The following TMEM132C variants were observed in gnomAD, a reference collection of about 807,000 sequenced individuals.
TMEM132C encodes the protein protein phosphatase 1, regulatory subunit 152.
A neutral mutation model predicts 61.4 loss-of-function variants in TMEM132C; 29 were observed. The observed-to-expected ratio is 0.47, with a 90% CI of 0.35 to 0.64. TMEM132C has a LOEUF of 0.64. TMEM132C is among the 30% of genes least tolerant of loss of function. TMEM132C has a pLI of 0.00. For synonymous variants in TMEM132C, 656 were observed against 633.1 expected, an observed-to-expected ratio of 1.04 and a Z score of -0.54; for missense variants, 1,408 against 1,476.9, an observed-to-expected ratio of 0.95 and a Z score of 0.76.
At chr12:128,274,535 A>G (rs1870621838) in intron 1 of TMEM132C, among the ~76,000 whole-genome samples, 1 of 152,222 alleles carries the variant, frequency 6.6e-6, no homozygotes, top group African/African-American at 2.4e-5. Context: ...TTACTAAGTT[A>G]TAAGAGATTG....
rs751122317 is a variant in TMEM132C, at chr12:128,616,236, G to A, written c.1206G>A (p.Thr402=). 14 of 1,551,638 alleles carry A rather than the reference G, an allele frequency of 9.0e-6. No individual in the cohort carries two copies. Among genetic ancestry groups the A allele is most frequent in the Middle Eastern group, 1.7e-4 (1 of 6,014 alleles). The change falls in exon 4 of 9, where the codon ACG becomes ACA. Residue 402 remains threonine (T), a synonymous_variant. Coordinates refer to ENST00000435159, the MANE Select transcript of TMEM132C (RefSeq NM_001136103.3). ...GCCTTTCAGGGACTCAGCCCATCAC[G>A]TGGCAGGTGGAGTACCCACGGAAGG... ...FSSLSGTQPI[T]WQVEYPRKGT...
chr12:128,378,363 G>T (rs545793258), intron 1 of TMEM132C, among the ~76,000 whole-genome samples: 1 of 152,044 alleles, frequency 6.6e-6, no homozygotes, highest in South Asian at 2.1e-4. Flanking sequence ...TGATCCGCCC[G>T]CCTCGGCCTC....
At chr12:128,561,438 T>C (rs1309737795) in intron 3 of TMEM132C, among the ~76,000 whole-genome samples, 1 of 152,232 alleles carries the variant, frequency 6.6e-6, no homozygotes, top group Non-Finnish European at 1.5e-5. Context: ...TCTGCATGCC[T>C]GTTAAACCCT....
chr12:128,323,359 G>A (rs1872397760), intron 1 of TMEM132C, among the ~76,000 whole-genome samples: 1 of 152,208 alleles, frequency 6.6e-6, no homozygotes, highest in African/African-American at 2.4e-5. Flanking sequence ...AGAATGGAGA[G>A]CCCACTGGCC....
intron 4 of TMEM132C, among the ~76,000 whole-genome samples, chr12:128,637,590 G>A (rs1264333417): frequency 1.3e-5 from 2 of 152,274 alleles, no homozygotes; most frequent in African/African-American, 4.8e-5. Flanking sequence ...TATTTTTAGA[G>A]ATGGGGTCTT....
chr12:128,475,241 G>A (rs185116447), intron 2 of TMEM132C, among the ~76,000 whole-genome samples: 4,207 of 152,034 alleles, frequency 0.028, 188 homozygotes, highest in African/African-American at 0.094. Flanking sequence ...TAGGACCTGC[G>A]ATTTCTTTTT....
At chr12:128,315,925 G>A (rs12308549) in intron 1 of TMEM132C, among the ~76,000 whole-genome samples, 31,249 of 151,566 alleles carry the variant, frequency 0.21, 3,979 homozygotes, top group Non-Finnish European at 0.28. Context: ...AGATTATCTC[G>A]AGGGCCCTAA....
In TMEM132C at chr12:128,669,530, G is replaced by A; in HGVS notation, c.1419G>A (p.Glu473=). Residue 473 remains glutamate, a synonymous_variant, in exon 5 of 9, where the codon GAG becomes GAA. Coordinates refer to ENST00000435159, the MANE Select transcript of TMEM132C (RefSeq NM_001136103.3). The stretch of plus-strand genomic sequence containing the variant: ...TGATGGACATCTCAGAGTCGGTGGA[G>A]TGCAAGTCCACAGACGAGGACGTTA... ...SAVMDISESV[E]CKSTDEDVIK... is the part of the protein sequence containing the mutation. 6.4e-7 allele frequency: 1 copy of A among 1,551,690 alleles called. No individual in the cohort carries two copies. The highest frequency in any genetic ancestry group is 1.2e-5 in the South Asian group (1 of 84,032).
chr12:128,313,260 A>G (rs913582190), intron 1 of TMEM132C, among the ~76,000 whole-genome samples: 2 of 152,192 alleles, frequency 1.3e-5, no homozygotes, highest in African/African-American at 4.8e-5. Flanking sequence ...TCCTGCACAT[A>G]TGATAGGACA....
At chr12:128,580,059 A>G (rs889653505) in intron 3 of TMEM132C, among the ~76,000 whole-genome samples, 8 of 152,168 alleles carry the variant, frequency 5.3e-5, no homozygotes, top group Non-Finnish European at 8.8e-5. Context: ...CAAACCCACC[A>G]TGTGTACTGC....
intron 1 of TMEM132C, among the ~76,000 whole-genome samples, chr12:128,295,499 G>A (rs10847597): frequency 0.26 from 39,101 of 151,600 alleles, 6,274 homozygotes; most frequent in Middle Eastern, 0.35. Flanking sequence ...AATAATGACC[G>A]CCTTGAAACT....
chr12:128,469,910 ATAT>A (rs1218480466), intron 2 of TMEM132C, among the ~76,000 whole-genome samples: 2 of 152,174 alleles, frequency 1.3e-5, no homozygotes, highest in African/African-American at 4.8e-5. Flanking sequence ...AAATGCACAC[ATAT>A]TATATAAATA....
chr12:128,423,475 A>G (rs1869061966), intron 2 of TMEM132C, among the ~76,000 whole-genome samples: 1 of 152,240 alleles, frequency 6.6e-6, no homozygotes, highest in South Asian at 2.1e-4. Flanking sequence ...CTTTGAAGAA[A>G]TGTGCAAGAT....
intron 3 of TMEM132C, among the ~76,000 whole-genome samples, chr12:128,550,838 G>A (rs1225035954): frequency 6.6e-6 from 1 of 152,124 alleles, no homozygotes; most frequent in African/African-American, 2.4e-5. Flanking sequence ...CCTCACTTTT[G>A]TGCACTTGTG....
At chr12:128,574,994 C>T (rs1416171200) in intron 3 of TMEM132C, among the ~76,000 whole-genome samples, 2 of 152,182 alleles carry the variant, frequency 1.3e-5, no homozygotes, top group African/African-American at 4.8e-5. Context: ...AAATAAAAAC[C>T]ATGCAAGTTC....
chr12:128,429,396 C>T (rs1869308972), intron 2 of TMEM132C, among the ~76,000 whole-genome samples: 1 of 152,180 alleles, frequency 6.6e-6, no homozygotes, highest in South Asian at 2.1e-4. Flanking sequence ...AGGTAGATGA[C>T]CACAGCCATA....
Position 128,267,333 on chromosome 12 carries a change from C to G in TMEM132C, c.-70C>G, listed in dbSNP as rs1052709872. 2.1e-6 allele frequency: 2 copies of G among 953,528 alleles called. No homozygotes were observed. Among genetic ancestry groups the G allele is most frequent in the African/African-American group, 3.6e-5 (2 of 55,948 alleles). The allele number at this position is 953,528 out of a possible 1,614,324, so 59.1% of individuals were successfully genotyped here. ...GGGAGTGGCCCCGGGCATGGGGCGG[C>G]CGGCGGGGGCCGCGGGCGGGCGCTG... is the stretch of plus-strand genomic sequence containing the variant. On this transcript the variant is annotated 5_prime_UTR_variant, in exon 1 of 9. Transcript: ENST00000435159.
intron 4 of TMEM132C, among the ~76,000 whole-genome samples, chr12:128,621,191 G>A (rs1953960078): frequency 6.6e-6 from 1 of 152,132 alleles, no homozygotes; most frequent in South Asian, 2.1e-4. Context: ...CCAGTGGGAG[G>A]CACCAGAGAG....
At chr12:128,354,887 T>C (rs1873451191) in intron 1 of TMEM132C, among the ~76,000 whole-genome samples, 1 of 152,188 alleles carries the variant, frequency 6.6e-6, no homozygotes, top group Admixed American at 6.5e-5. Flanking sequence ...CCAGGTAGCC[T>C]GAAAACCAGC....
Sources: allele counts gnomAD v4.1 joint callset (sites outside exome capture counted in the v4.1 genomes callset), GRCh38; gene constraint gnomAD v4.1.1; transcripts MANE v1.5; gene names NCBI Gene and HGNC (gene_info 2026-07-23, HGNC 2026-07-21).